The following DPAGT1 variants were observed in gnomAD, a reference collection of about 807,000 sequenced individuals.
DPAGT1 encodes UDP-N-acetylglucosamine--dolichyl-phosphate N-acetylglucosaminephosphotransferase.
A neutral mutation model predicts 39.3 loss-of-function variants in DPAGT1; 25 were observed. That is an observed-to-expected ratio of 0.64 (90% confidence interval 0.46 to 0.89). The LOEUF is 0.89. Among genes scored for constraint, DPAGT1 ranks in the 40% least tolerant of loss-of-function variants. The pLI, the probability that DPAGT1 is intolerant of heterozygous loss-of-function variation, is 0.00. For missense variants in DPAGT1, 381 were observed against 500.6 expected (o/e 0.76, Z 2.28); for synonymous variants, 193 against 201.4 (o/e 0.96, Z 0.36).
In DPAGT1 at chr11:119,101,656, G is replaced by A. The variant is rs754324420; in HGVS notation, c.-1C>T. 1 of 1,614,272 alleles carries A rather than the reference G, an allele frequency of 6.2e-7. No individual in the cohort carries two copies. The highest frequency in any genetic ancestry group is 2.2e-5 in the East Asian group (1 of 44,890). On this transcript the variant is annotated 5_prime_UTR_variant, in exon 1 of 9. Coordinates refer to ENST00000354202, the MANE Select transcript of DPAGT1 (RefSeq NM_001382.4). ...TGGGCAATTCCGAGAAGGCCCACAT[G>A]GTGACCGGTCAGGGGCCCGGCTCCG... is the stretch of plus-strand genomic sequence containing the variant.
In DPAGT1 at chr11:119,096,661, G is replaced by C; in HGVS notation, c.*337C>G. 1 of 419,710 alleles carries C rather than the reference G, an allele frequency of 2.4e-6. No homozygotes were observed. The highest frequency in any genetic ancestry group is 4.4e-6 in the Non-Finnish European group (1 of 226,850). The allele number at this position is 419,710 out of a possible 1,614,324, so 26.0% of individuals were successfully genotyped here. A position where few individuals can be genotyped will look rare whatever the true frequency, so the allele number is the denominator to read the frequency against. On this transcript the variant is annotated 3_prime_UTR_variant, in exon 9 of 9. Coordinates refer to ENST00000354202, the MANE Select transcript of DPAGT1 (RefSeq NM_001382.4). Reference sequence around the variant, plus strand: ...GGCCCAAGTTCTATCCCAAAAACCAGTGGTTCCTTGAGAGTCAGGACTCTG... The same window carrying C: ...GGCCCAAGTTCTATCCCAAAAACCACTGGTTCCTTGAGAGTCAGGACTCTG...
In DPAGT1 at chr11:119,096,866, T is replaced by C. The variant is rs1314380026; in HGVS notation, c.*132A>G. 1 of 1,097,314 alleles carries C rather than the reference T, an allele frequency of 9.1e-7. No individual in the cohort carries two copies. The highest frequency in any genetic ancestry group is 1.6e-5 in the African/African-American group (1 of 63,924). The allele number at this position is 1,097,314 out of a possible 1,614,324, so 68.0% of individuals were successfully genotyped here. On this transcript the variant is annotated 3_prime_UTR_variant, in exon 9 of 9. Coordinates refer to ENST00000354202, the MANE Select transcript of DPAGT1 (RefSeq NM_001382.4). ...AATGATCACAGAGAAAGGAAAATGC[T>C]GAGAACAAAATCTGGAGGAGTATGA...
chr11:119,096,311 T>C (rs1946393151), downstream of DPAGT1, among the ~76,000 whole-genome samples: 1 of 152,224 alleles, frequency 6.6e-6, no homozygotes, highest in African/African-American at 2.4e-5. Context: ...ACTTCAATTT[T>C]GTGGCCCTCC....
chr11:119,100,347 G>T lies in DPAGT1; in HGVS notation c.558C>A (p.Ile186=), dbSNP rs747719202. Residue 186 remains isoleucine, a synonymous_variant, in exon 4 of 9, where the codon ATC becomes ATA. Transcript: ENST00000354202. ...CCTCTAGGCCGTTAATTCCTGCTAGGATATTGATGGCATTGGTACAGAACA... is the reference window on the plus strand; with the variant it reads ...CCTCTAGGCCGTTAATTCCTGCTAGTATATTGATGGCATTGGTACAGAACA... ...LAVFCTNAIN[I]LAGINGLEAG... is the part of the protein sequence containing the mutation. 4 of 1,614,098 alleles carry T rather than the reference G, an allele frequency of 2.5e-6. No homozygotes were observed. Among genetic ancestry groups the T allele is most frequent in the Admixed American group, 1.7e-5 (1 of 60,002 alleles).
downstream of DPAGT1, chr11:119,095,264 A>G (rs1300814417): frequency 6.2e-7 from 1 of 1,613,184 alleles, no homozygotes; most frequent in African/African-American, 1.3e-5. Flanking sequence ...GCCGGCGCCA[A>G]CGCGCTCGGC....
In DPAGT1 at chr11:119,098,048, G is replaced by A; in HGVS notation, c.729-5C>T. The A allele has an allele frequency of 6.2e-7, 1 of 1,614,028 alleles. No homozygotes were observed. Among genetic ancestry groups the A allele is most frequent in the South Asian group, 1.1e-5 (1 of 91,074 alleles). On this transcript the variant is annotated splice_region_variant and splice_polypyrimidine_tract_variant and intron_variant, in intron 5 of 8. Transcript: ENST00000354202. ...ACAAACACCCGTGATGGGTACCTGT[G>A]TGGGGGAAGAGGATCCGAGCCAGTG...
chr11:119,096,357 C>A (rs1418445032), downstream of DPAGT1: 1 of 154,998 alleles, frequency 6.5e-6, no homozygotes, highest in Non-Finnish European at 1.4e-5. Flanking sequence ...AATATTTATT[C>A]AATATGTTCT....
rs1946485109 is a variant in DPAGT1 at position 119,100,664 on chromosome 11, G to A, written c.462C>T (p.Pro154=). The change falls in exon 3 of 9, where the codon CCC becomes CCT. Residue 154 remains proline (P), a synonymous_variant. Transcript: ENST00000354202. The part of the protein sequence containing the change: ...FGNTTIVVPK[P]FRPILGLHLD... ...GATGCAGGCCAAGTATCGGGCGGAAGGGCTTGGGCACCACAATGGTCGTGT... is the reference window on the plus strand; with the variant it reads ...GATGCAGGCCAAGTATCGGGCGGAAAGGCTTGGGCACCACAATGGTCGTGT... 2 of 1,614,056 alleles carry A rather than the reference G, an allele frequency of 1.2e-6. No individual in the cohort carries two copies. Among genetic ancestry groups the A allele is most frequent in the Admixed American group, 3.3e-5 (2 of 60,010 alleles).
chr11:119,097,650 C>T lies in DPAGT1; in HGVS notation c.918-99G>A. 6.8e-7 allele frequency: 1 copy of T among 1,472,446 alleles called. No homozygotes were observed. The highest frequency in any genetic ancestry group is 9.5e-7 in the Non-Finnish European group (1 of 1,053,642). The allele number at this position is 1,472,446 out of a possible 1,614,324, so 91.2% of individuals were successfully genotyped here. On this transcript the variant is annotated intron_variant, in intron 6 of 8. Transcript: ENST00000354202. This position sits in a 1 kb window ranked among gnomAD's most constrained non-coding sequence, Gnocchi z 4.6. ...ATTGAATGTGGAGTCAACCTGAGAT[C>T]TATTTCTGGCTCTGCTGCTTACTGT...
At chr11:119,098,690 A>T (rs1279514844) in intron 4 of DPAGT1, among the ~76,000 whole-genome samples, 1 of 152,200 alleles carries the variant, frequency 6.6e-6, no homozygotes, top group South Asian at 2.1e-4. Context: ...ACTAGTTACT[A>T]TCTTAAATTT....
chr11:119,095,300 T>C (rs1431554165), downstream of DPAGT1: 2 of 1,611,974 alleles, frequency 1.2e-6, no homozygotes, highest in Admixed American at 1.7e-5. Flanking sequence ...CAGCAGCCGG[T>C]GTACACGGCC....
At position 119,100,857 on chromosome 11, in the gene DPAGT1, G is replaced by C; in HGVS notation, c.283-14C>G. 6.2e-7 allele frequency: 1 copy of C among 1,614,122 alleles called. No homozygotes were observed. Among genetic ancestry groups the C allele is most frequent in the Non-Finnish European group, 8.5e-7 (1 of 1,180,020 alleles). ...CAGGGCCACAAACTGGGGGAGGCTC[G>C]GGCAGGTCCATGACTCAAGCCTGCT... is the stretch of plus-strand genomic sequence containing the variant. On this transcript the variant is annotated splice_polypyrimidine_tract_variant and intron_variant, in intron 2 of 8. Transcript: ENST00000354202.
At chr11:119,094,998 C>T, downstream of DPAGT1, 1 of 1,612,702 alleles carries the variant, frequency 6.2e-7, no homozygotes, top group Non-Finnish European at 8.5e-7. Context: ...GCCTTCTTGC[C>T]GCCCGAGGGC....
intron 2 of DPAGT1, 46 bp from the exon 3 acceptor site, chr11:119,100,889 C>G (rs769971699): frequency 6.2e-7 from 1 of 1,613,862 alleles, no homozygotes; most frequent in African/African-American, 1.3e-5. Context: ...TGCTCCCATT[C>G]CACCTTTTAA....
chr11:119,101,271 G>A, intron 1 of DPAGT1, 133 bp from the exon 2 acceptor site: 2 of 1,399,596 alleles, frequency 1.4e-6, no homozygotes, highest in Non-Finnish European at 2.0e-6. Flanking sequence ...TGAGGGGGGC[G>A]GAGGGAGGAA....
chr11:119,096,691 G>A lies in DPAGT1; in HGVS notation c.*307C>T, dbSNP rs1435520497. 1 of 467,566 alleles carries A rather than the reference G, an allele frequency of 2.1e-6. No homozygotes were observed. Among genetic ancestry groups the A allele is most frequent in the Non-Finnish European group, 3.9e-6 (1 of 255,142 alleles). The allele number at this position is 467,566 out of a possible 1,614,324, so 29.0% of individuals were successfully genotyped here. On this transcript the variant is annotated 3_prime_UTR_variant, in exon 9 of 9. Transcript: ENST00000354202. Reference sequence around the variant, plus strand: ...TCCTTGAGAGTCAGGACTCTGAAATGTGAGTGTGGATAACTGCAAAAAAAG... The same window carrying A: ...TCCTTGAGAGTCAGGACTCTGAAATATGAGTGTGGATAACTGCAAAAAAAG...
At position 119,097,008 on chromosome 11, in the gene DPAGT1, T is replaced by C. The variant is rs753954658; in HGVS notation, c.1217A>G (p.Tyr406Cys). 2 of 1,614,076 alleles carry C rather than the reference T, an allele frequency of 1.2e-6. No individual in the cohort carries two copies. The highest frequency in any genetic ancestry group is 1.7e-6 in the Non-Finnish European group (2 of 1,180,016). The change falls in exon 9 of 9, where the codon TAT becomes TGT. Residue 406 changes from tyrosine to cysteine, a missense_variant. By Grantham distance (194) the Tyr-to-Cys change is radical. Coordinates refer to ENST00000354202, the MANE Select transcript of DPAGT1 (RefSeq NM_001382.4). This position sits in a 1 kb window ranked among gnomAD's most constrained non-coding sequence, Gnocchi z 4.6. The stretch of plus-strand genomic sequence containing the variant: ...CAATGATCAAGGGACTCAGACATCA[T>C]AGAAGAGTCGAACGAGCTGATATCG... ...SIRYQLVRLFYDV is the reference protein window; with the variant it reads ...SIRYQLVRLFCDV
intron 4 of DPAGT1, among the ~76,000 whole-genome samples, chr11:119,100,028 T>C (rs975166650): frequency 6.6e-6 from 1 of 152,292 alleles, no homozygotes; most frequent in South Asian, 2.1e-4. Context: ...TTATATTCAA[T>C]GGGAGAAGAT....
downstream of DPAGT1, chr11:119,093,899 A>G (rs986911883): frequency 6.3e-6 from 1 of 158,444 alleles, no homozygotes; most frequent in African/African-American, 2.4e-5. Flanking sequence ...ATCCTTTAAT[A>G]AAATTAGTCC....
Sources: gnomAD v4.1 joint callset for allele counts (sites outside exome capture counted in the v4.1 genomes callset) on GRCh38, gnomAD v4.1.1 for gene constraint, Gnocchi (gnomAD v3.1) non-coding constraint, MANE v1.5 for transcripts, NCBI Gene and HGNC (gene_info 2026-07-23, HGNC 2026-07-21) for gene names.